Variants in DDX52 observed in about 807,000 individuals in gnomAD.
DDX52 encodes the protein probable ATP-dependent RNA helicase DDX52.
DDX52 carries 59 observed loss-of-function variants against 76.1 expected under a neutral mutation model. The observed-to-expected ratio is 0.78, with a 90% CI of 0.63 to 0.96. DDX52 has a LOEUF of 0.96. Among genes scored for constraint, DDX52 ranks in the 40% least tolerant of loss-of-function variants. The probability of loss-of-function intolerance (pLI) is 0.00; values close to 1 mark genes in which losing one functional copy is unlikely to be tolerated. For missense variants in DDX52, 707 were observed against 703.9 expected (o/e 1.00, Z -0.05); for synonymous variants, 231 against 244.1 (o/e 0.95, Z 0.50).
In DDX52 at chr17:37,626,854, A is replaced by C; in HGVS notation, c.866T>G (p.Leu289Arg). 1 of 1,611,390 alleles carries C rather than the reference A, an allele frequency of 6.2e-7. No homozygotes were observed. The highest frequency in any genetic ancestry group is 8.5e-7 in the Non-Finnish European group (1 of 1,179,302). ...GPKSSKKFDI[L>R]VTTPNRLIYL... ...GATTAGTCGATTTGGAGTAGTCACA[A>C]GAATATCTATAGGAAAAACAAATGG... The change falls in exon 7 of 15, where the codon CTT (leucine) becomes CGT (arginine). Residue 289 changes from leucine to arginine, a missense_variant. Transcript: ENST00000617633.
intron 9 of DDX52, 51 bp downstream of exon 9, chr17:37,624,293 T>C (rs1297121674): frequency 2.8e-6 from 4 of 1,448,946 alleles, no homozygotes; most frequent in African/African-American, 1.4e-5. Context: ...CCACTAGTAA[T>C]ATAAGACTTG....
At chr17:37,628,531 C>G (rs751526223) in intron 6 of DDX52, 30 bp downstream of exon 6, 4 of 1,498,234 alleles carry the variant, frequency 2.7e-6, no homozygotes, top group Non-Finnish European at 1.8e-6. Flanking sequence ...CTTACATGCT[C>G]TATCTACATC....
chr17:37,633,340 T>C lies in DDX52; in HGVS notation c.365A>G (p.Gln122Arg), dbSNP rs752750823. ...TCCGGAAGTTAGTTTACTTTCTCTCTGAACTTTTTTGTCTTCAATCTTTGC... is the reference window on the plus strand; with the variant it reads ...TCCGGAAGTTAGTTTACTTTCTCTCCGAACTTTTTTGTCTTCAATCTTTGC... The part of the protein sequence containing the change: ...VEAKIEDKKV[Q>R]RESKLTSGKL... Residue 122 changes from glutamine to arginine, a missense_variant, in exon 3 of 15, where the codon CAG becomes CGG. Coordinates refer to ENST00000617633, the MANE Select transcript of DDX52 (RefSeq NM_007010.5). 1.2e-6 allele frequency: 2 copies of C among 1,612,126 alleles called. No homozygotes were observed. The highest frequency in any genetic ancestry group is 2.2e-5 in the South Asian group (2 of 90,664).
chr17:37,633,186 AC>A, intron 3 of DDX52, 101 bp downstream of exon 3: 1 of 1,271,816 alleles, frequency 7.9e-7, no homozygotes, highest in Non-Finnish European at 1.0e-6. Flanking sequence ...TTCTATCTTA[AC>A]AAAACTATAT....
intron 2 of DDX52, among the ~76,000 whole-genome samples, chr17:37,634,817 T>A (rs911320634): frequency 2.9e-5 from 4 of 139,442 alleles, no homozygotes; most frequent in Admixed American, 7.2e-5. Flanking sequence ...CTAACCTAAA[T>A]TTTTTTTTTT....
intron 6 of DDX52, among the ~76,000 whole-genome samples, chr17:37,627,865 T>G (rs1425269392): frequency 6.6e-6 from 1 of 152,022 alleles, no homozygotes; most frequent in East Asian, 1.9e-4. Context: ...ACTCCTGCGC[T>G]CAAGTGATCT....
chr17:37,632,067 A>G, intron 4 of DDX52, 46 bp downstream of exon 4: 1 of 1,611,274 alleles, frequency 6.2e-7, no homozygotes, highest in Non-Finnish European at 8.5e-7. Context: ...ATGAGCAAAC[A>G]CACAGAGGAA....
At chr17:37,639,366 T>A (rs1290192043) in intron 2 of DDX52, 1 of 985,542 alleles carries the variant, frequency 1.0e-6, no homozygotes, top group Non-Finnish European at 1.2e-6. Flanking sequence ...AAAATTTTGT[T>A]CCCTTTATGA....
Position 37,610,786 on chromosome 17 carries a change from T to C in DDX52, c.*3510A>G, listed in dbSNP as rs2064327433. On this transcript the variant is annotated 3_prime_UTR_variant, in exon 15 of 15. Coordinates refer to ENST00000617633, the MANE Select transcript of DDX52 (RefSeq NM_007010.5). ...CAGGCCAGTTTGACTCTAAAGTCCT[T>C]GCTCATTTCACCAGAGCCAGCTATT... 6.6e-6 allele frequency: 1 copy of C among 152,234 alleles called. No homozygotes were observed. The highest frequency in any genetic ancestry group is 1.9e-4 in the East Asian group (1 of 5,198). The allele number at this position is 152,234 out of a possible 1,614,324, so 9.4% of individuals were successfully genotyped here.
rs7224513 is a variant in DDX52, at chr17:37,628,628, T to C, written c.792A>G (p.Arg264=). 401,611 of 1,608,930 alleles carry C rather than the reference T, an allele frequency of 0.25. 57,564 individuals are homozygous for C. The highest frequency in any genetic ancestry group is 0.54 in the African/African-American group (40,137 of 74,712). The change falls in exon 6 of 15, where the codon AGA becomes AGG. Residue 264 remains arginine (R), a synonymous_variant. Transcript: ENST00000617633. The part of the protein sequence containing the change: ...LIKISEGTGF[R]IHMIHKAAVA... ...CTGCTGCTTTGTGGATCATGTGTATTCTGAATCCTGTTCCCTCAGAAATTT... is the reference window on the plus strand; with the variant it reads ...CTGCTGCTTTGTGGATCATGTGTATCCTGAATCCTGTTCCCTCAGAAATTT...
At chr17:37,637,455 T>TG (rs2147366862) in intron 2 of DDX52, among the ~76,000 whole-genome samples, 1 of 151,930 alleles carries the variant, frequency 6.6e-6, no homozygotes, top group South Asian at 2.1e-4. Flanking sequence ...GATGGAGTCT[T>TG]GCTATGTTGC....
chr17:37,634,990 G>T (rs1236118528), intron 2 of DDX52, among the ~76,000 whole-genome samples: 1 of 151,670 alleles, frequency 6.6e-6, no homozygotes, highest in African/African-American at 2.4e-5. Flanking sequence ...TAGTAGAGAC[G>T]GGGTTTCACC....
chr17:37,620,813 T>G (rs752646650), intron 12 of DDX52, 60 bp downstream of exon 12: 2 of 1,454,878 alleles, frequency 1.4e-6, no homozygotes, highest in Admixed American at 2.4e-5. Flanking sequence ...TAATTGAATA[T>G]ACATATAAGA....
chr17:37,641,567 T>C (rs934069127), intron 2 of DDX52, among the ~76,000 whole-genome samples: 3 of 151,134 alleles, frequency 2.0e-5, no homozygotes, highest in African/African-American at 7.3e-5. Context: ...TGAAACCCCA[T>C]CTCTACTAAA....
chr17:37,636,019 A>G (rs2030906459), intron 2 of DDX52, among the ~76,000 whole-genome samples: 2 of 152,204 alleles, frequency 1.3e-5, no homozygotes, highest in Non-Finnish European at 2.9e-5. Flanking sequence ...CCTTTGATAT[A>G]CATTTTGCAA....
chr17:37,633,220 C>A, intron 3 of DDX52, 68 bp downstream of exon 3: 1 of 1,463,082 alleles, frequency 6.8e-7, no homozygotes, highest in Non-Finnish European at 9.1e-7. Context: ...CAGAATAACC[C>A]AAATCCAGCG....
At chr17:37,635,486 G>A (rs1357162239) in intron 2 of DDX52, 3 of 391,488 alleles carry the variant, frequency 7.7e-6, no homozygotes, top group Admixed American at 6.4e-5. Flanking sequence ...TTTTTGTCTG[G>A]CTTCTTTCAC....
At chr17:37,628,967 C>T (rs971806454) in intron 5 of DDX52, among the ~76,000 whole-genome samples, 15 of 152,258 alleles carry the variant, frequency 9.9e-5, no homozygotes, top group African/African-American at 3.6e-4. Context: ...CCTGTAATCC[C>T]AGCGCTTTGG....
chr17:37,619,660 T>C lies in DDX52; in HGVS notation c.1649+108A>G, dbSNP rs138876021. The C allele has an allele frequency of 1.3e-3, 1,244 of 937,276 alleles. 11 individuals are homozygous for C. The African/African-American group carries it at 0.019, about 14-fold the overall frequency. The allele number at this position is 937,276 out of a possible 1,614,324, so 58.1% of individuals were successfully genotyped here. ...CTAGGAGATCAAGACTACAGTGAGC[T>C]GTGATCATGCCACTGCACTGCAGTC... On this transcript the variant is annotated intron_variant, in intron 13 of 14. Transcript: ENST00000617633.
Sources: allele counts gnomAD v4.1 joint callset (sites outside exome capture counted in the v4.1 genomes callset), GRCh38; gene constraint gnomAD v4.1.1; transcripts MANE v1.5; gene names NCBI Gene and HGNC (gene_info 2026-07-23, HGNC 2026-07-21).